Variants in GRIA2 observed in about 807,000 individuals in gnomAD.
The protein encoded by GRIA2 is glutamate ionotropic receptor AMPA type subunit 2, also known as glutamate receptor 2.
In GRIA2, 14 loss-of-function variants were observed where a neutral mutation model predicts 97.3. The observed-to-expected ratio is 0.14, with a 90% CI of 0.10 to 0.23. GRIA2 has a LOEUF of 0.23. GRIA2 is among the 10% of genes least tolerant of loss of function. The pLI is 1.00. For synonymous variants in GRIA2, 412 were observed against 387.8 expected (o/e 1.06, Z -0.73); for missense variants, 558 against 1,069.8 (o/e 0.52, Z 6.67).
chr4:157,249,504 A>G (rs1282311055), intron 2 of GRIA2: 4 of 152,162 alleles, frequency 2.6e-5, no homozygotes, highest in Admixed American at 1.3e-4. Flanking sequence ...AATTAATTCC[A>G]GAAAGACCAG....
chr4:157,321,622 T>A, intron 6 of GRIA2, 23 bp downstream of exon 6: 2 of 1,559,386 alleles, frequency 1.3e-6, no homozygotes, highest in Non-Finnish European at 1.8e-6. Context: ...TTCTGTCTTT[T>A]CTTTTTCTTT....
chr4:157,302,339 T>G (rs1159260987), intron 2 of GRIA2, among the ~76,000 whole-genome samples: 1 of 152,182 alleles, frequency 6.6e-6, no homozygotes, highest in Non-Finnish European at 1.5e-5. Flanking sequence ...CAAAATATTA[T>G]TCTTATTATA....
chr4:157,264,703 A>G (rs1731690572), intron 2 of GRIA2, among the ~76,000 whole-genome samples: 2 of 152,264 alleles, frequency 1.3e-5, no homozygotes, highest in South Asian at 4.1e-4. Flanking sequence ...AAGATGGAAA[A>G]GTAAAAAAGG....
chr4:157,254,698 G>A (rs1731164533), intron 2 of GRIA2, among the ~76,000 whole-genome samples: 1 of 151,954 alleles, frequency 6.6e-6, no homozygotes, highest in South Asian at 2.1e-4. Flanking sequence ...GAGTTGGAGA[G>A]GCTTTAACTT....
At chr4:157,338,010 A>ATATATATATATATATATATATGTG (rs1735370011) in intron 11 of GRIA2, among the ~76,000 whole-genome samples, 6 of 20,632 alleles carry the variant, frequency 2.9e-4, no homozygotes, top group Non-Finnish European at 4.9e-4. Context: ...ATATATGTGT[A>ATATATATATATATATATATATGTG]TATATATATA....
intron 6 of GRIA2, among the ~76,000 whole-genome samples, chr4:157,328,860 A>G (rs1734923596): frequency 6.6e-6 from 1 of 152,018 alleles, no homozygotes; most frequent in African/African-American, 2.4e-5. Context: ...TTTATTATTT[A>G]TGGAGAATAA....
At chr4:157,360,724 G>T in intron 13 of GRIA2, 6 of 500,498 alleles carry the variant, frequency 1.2e-5, no homozygotes, top group East Asian at 1.1e-4. Flanking sequence ...TCACATTCAA[G>T]ACACTGTTAT....
At chr4:157,231,120 A>T (rs1579289599) in intron 2 of GRIA2, among the ~76,000 whole-genome samples, 1 of 150,484 alleles carries the variant, frequency 6.6e-6, no homozygotes, top group African/African-American at 2.5e-5. Flanking sequence ...GCCCACTGCA[A>T]CCTCCGCCTC....
intron 2 of GRIA2, among the ~76,000 whole-genome samples, chr4:157,298,368 A>T (rs981751614): frequency 3.3e-5 from 5 of 152,094 alleles, no homozygotes; most frequent in African/African-American, 1.2e-4. Context: ...TTAAATGGTG[A>T]TGGATGACAT....
intron 6 of GRIA2, among the ~76,000 whole-genome samples, chr4:157,327,217 C>A (rs1423392833): frequency 6.6e-6 from 1 of 151,938 alleles, no homozygotes; most frequent in Non-Finnish European, 1.5e-5. Context: ...CAGTGGTTTG[C>A]AAAGAGTAAG....
chr4:157,280,004 A>G (rs1158299929), intron 2 of GRIA2, among the ~76,000 whole-genome samples: 1 of 152,140 alleles, frequency 6.6e-6, no homozygotes, highest in African/African-American at 2.4e-5. Flanking sequence ...GTGCACCTGT[A>G]GTCCCAGATA....
At chr4:157,260,082 C>T (rs1731459725) in intron 2 of GRIA2, among the ~76,000 whole-genome samples, 1 of 152,072 alleles carries the variant, frequency 6.6e-6, no homozygotes, top group Admixed American at 6.6e-5. Flanking sequence ...TTGTTCTACA[C>T]ATTTTATTTA....
At chr4:157,363,107 T>G in intron 15 of GRIA2, 60 bp downstream of exon 15, 1 of 1,496,904 alleles carries the variant, frequency 6.7e-7, no homozygotes, top group East Asian at 2.3e-5. Flanking sequence ...TGTTGCGTCC[T>G]TAAGCTCTTT....
chr4:157,356,427 A>T (rs929414499), intron 12 of GRIA2, among the ~76,000 whole-genome samples: 1 of 151,580 alleles, frequency 6.6e-6, no homozygotes, highest in African/African-American at 2.4e-5. Context: ...ATGATGGGAA[A>T]TTATGTGGTT....
chr4:157,316,128 A>G (rs551792397), intron 4 of GRIA2, among the ~76,000 whole-genome samples: 204 of 152,300 alleles, frequency 1.3e-3, no homozygotes, highest in African/African-American at 4.7e-3. Flanking sequence ...GCAGGAAGAC[A>G]TGGATGATTC....
Position 157,270,520 on chromosome 4 carries a change from A to G in GRIA2, c.230-33032A>G, listed in dbSNP as rs537719640. On this transcript the variant is annotated intron_variant, in intron 2 of 15. Coordinates refer to ENST00000264426, the MANE Select transcript of GRIA2 (RefSeq NM_001083619.3). Reference sequence around the variant, plus strand: ...AATTATATTTATGAGCAAACAGCTCATTATTTTATTCACATATTTAAGACT... The same window carrying G: ...AATTATATTTATGAGCAAACAGCTCGTTATTTTATTCACATATTTAAGACT... Among the ~76,000 whole-genome samples, 30 of 152,296 alleles carry G rather than the reference A, an allele frequency of 2.0e-4. No homozygotes were observed. The South Asian group carries it at 3.5e-3, about 18-fold the overall frequency.
chr4:157,235,429 T>C (rs1730199536), intron 2 of GRIA2, among the ~76,000 whole-genome samples: 1 of 152,048 alleles, frequency 6.6e-6, no homozygotes, highest in African/African-American at 2.4e-5. Flanking sequence ...ATTACATTAG[T>C]CTCGGTAATA....
chr4:157,312,929 T>C, intron 4 of GRIA2, 54 bp downstream of exon 4: 1 of 1,058,932 alleles, frequency 9.4e-7, no homozygotes, highest in Non-Finnish European at 1.4e-6. Flanking sequence ...GCATGCAATG[T>C]CAGCATTTGC....
At chr4:157,333,028 C>G in intron 7 of GRIA2, 42 bp downstream of exon 7, 1 of 1,453,242 alleles carries the variant, frequency 6.9e-7, no homozygotes, top group East Asian at 2.3e-5. Context: ...TTAATATGGC[C>G]ATTAATGTTT....
Sources: allele counts gnomAD v4.1 joint callset (sites outside exome capture counted in the v4.1 genomes callset), GRCh38; gene constraint gnomAD v4.1.1; transcripts MANE v1.5; gene names NCBI Gene and HGNC (gene_info 2026-07-23, HGNC 2026-07-21).